Variants in RB1CC1 observed in about 807,000 individuals in gnomAD.
The protein encoded by RB1CC1 is RB1-inducible coiled-coil protein 1.
A neutral mutation model predicts 177.5 loss-of-function variants in RB1CC1; 46 were observed. That is an observed-to-expected ratio of 0.26 (90% CI 0.20 to 0.33). The LOEUF is 0.33. Ranked by LOEUF, RB1CC1 falls within the 10% of genes least tolerant of loss-of-function variation. RB1CC1 has a pLI of 1.00. For missense variants in RB1CC1, 1,703 were observed against 1,816.3 expected, an observed-to-expected ratio of 0.94 and a Z score of 1.13; for synonymous variants, 666 against 613.6, an observed-to-expected ratio of 1.09 and a Z score of -1.26.
intron 15 of RB1CC1, among the ~76,000 whole-genome samples, chr8:52,651,394 G>A (rs944440347): frequency 6.6e-6 from 1 of 152,236 alleles, no homozygotes; most frequent in Non-Finnish European, 1.5e-5. Flanking sequence ...AAATGGTACA[G>A]TTGGGTAGTT....
intron 8 of RB1CC1, among the ~76,000 whole-genome samples, chr8:52,666,867 T>C (rs1056614300): frequency 6.6e-6 from 1 of 152,132 alleles, no homozygotes; most frequent in Non-Finnish European, 1.5e-5. Context: ...GAAACAAGTG[T>C]AAATGAAACG....
At chr8:52,659,125 T>C (rs1205618364) in intron 12 of RB1CC1, 149 bp from the exon 13 acceptor site, 9 of 471,552 alleles carry the variant, frequency 1.9e-5, no homozygotes, top group Non-Finnish European at 3.4e-5. Context: ...GACCATTCAA[T>C]AAAGATATGG....
rs201694446 is a variant in RB1CC1 at position 52,656,568 on chromosome 8, C to T, written c.3261G>A (p.Glu1087=). ...CTTGTTCAAGAAGAGATTTCAAGGTCTCCTTCTGCTGGGCTCTGCTTTCTT... is the reference window on the plus strand; with the variant it reads ...CTTGTTCAAGAAGAGATTTCAAGGTTTCCTTCTGCTGGGCTCTGCTTTCTT... ...LLEESRAQQK[E]TLKSLLEQET... Residue 1087 remains glutamate, a synonymous_variant, in exon 15 of 24, where the codon GAG becomes GAA. Transcript: ENST00000025008. 6.2e-7 allele frequency: 1 copy of T among 1,611,144 alleles called. No individual in the cohort carries two copies. The highest frequency in any genetic ancestry group is 8.5e-7 in the Non-Finnish European group (1 of 1,179,038).
At chr8:52,712,310 TCTG>T (rs1352186314) in intron 1 of RB1CC1, among the ~76,000 whole-genome samples, 20 of 152,122 alleles carry the variant, frequency 1.3e-4, no homozygotes, top group Admixed American at 1.2e-3. Flanking sequence ...TGCTCAAATA[TCTG>T]CTGAATGTAT....
chr8:52,694,999 A>G (rs1855256424), intron 1 of RB1CC1, among the ~76,000 whole-genome samples: 1 of 152,246 alleles, frequency 6.6e-6, no homozygotes, highest in Admixed American at 6.5e-5. Context: ...ATTAATAAGA[A>G]AATCACAAAG....
chr8:52,676,534 C>T lies in RB1CC1; in HGVS notation c.407G>A (p.Cys136Tyr). Reference protein sequence around the residue: ...YEVAKKLCSFCEGLVHDEHLQ... With the variant: ...YEVAKKLCSFYEGLVHDEHLQ... The stretch of plus-strand genomic sequence containing the variant: ...ATGTTCATCATGTACAAGACCTTCA[C>T]AAAAAGAACAAAGTTTCTTGGCAAC... The change falls in exon 6 of 24, where the codon TGT (cysteine) becomes TAT (tyrosine). Residue 136 changes from cysteine (C) to tyrosine (Y), a missense_variant. Physicochemically the swap from Cys to Tyr is radical, Grantham distance 194. This residue lies in a region of RB1CC1 where 315 missense variants were observed against 304.9 expected (regional missense o/e 1.03). Transcript: ENST00000025008. 1 of 1,607,638 alleles carries T rather than the reference C, an allele frequency of 6.2e-7. No homozygotes were observed. The highest frequency in any genetic ancestry group is 8.5e-7 in the Non-Finnish European group (1 of 1,178,588).
chr8:52,635,992 C>T (rs753677680), intron 19 of RB1CC1, 23 bp downstream of exon 19: 14 of 1,604,346 alleles, frequency 8.7e-6, no homozygotes, highest in Admixed American at 3.4e-5. Flanking sequence ...AAACATGGTA[C>T]TTCAAGAAGA....
Position 52,661,704 on chromosome 8 carries a change from G to T in RB1CC1, c.1189C>A (p.Gln397Lys). The change falls in exon 9 of 24, where the codon CAG (glutamine) becomes AAG (lysine). Residue 397 changes from glutamine (Q) to lysine (K), a missense_variant. Physicochemically the swap from Gln to Lys is moderately conservative, Grantham distance 53. Coordinates refer to ENST00000025008, the MANE Select transcript of RB1CC1 (RefSeq NM_014781.5). Reference protein sequence around the residue: ...KELAQGFLANQKRAENLKDAS... With the variant: ...KELAQGFLANKKRAENLKDAS... The stretch of plus-strand genomic sequence containing the variant: ...TCCTTTAAGTTTTCAGCTCTCTTCT[G>T]ATTAGCTAAAAATCCCTTTGAGAAA... The T allele has an allele frequency of 6.4e-7, 1 of 1,564,670 alleles. No individual in the cohort carries two copies. The highest frequency in any genetic ancestry group is 8.6e-7 in the Non-Finnish European group (1 of 1,158,832).
chr8:52,661,046 C>A, intron 10 of RB1CC1, 39 bp from the exon 11 acceptor site: 1 of 1,610,876 alleles, frequency 6.2e-7, no homozygotes, highest in South Asian at 1.1e-5. Context: ...AAACATACAC[C>A]AATTCGTTAA....
At chr8:52,664,175 G>A (rs1851862981) in intron 8 of RB1CC1, among the ~76,000 whole-genome samples, 1 of 152,042 alleles carries the variant, frequency 6.6e-6, no homozygotes, top group Admixed American at 6.6e-5. Flanking sequence ...GCTTCAACTG[G>A]GTATCCCTTT....
At chr8:52,685,651 T>C in intron 2 of RB1CC1, 131 bp from the exon 3 acceptor site, 1 of 416,980 alleles carries the variant, frequency 2.4e-6, no homozygotes, top group Non-Finnish European at 4.2e-6. Context: ...ATGTCTAGGA[T>C]GGCTAACTGG....
rs564963839 is a variant in RB1CC1 at position 52,687,573 on chromosome 8, G to GCTGC, written c.-166-610_-166-607dup. On this transcript the variant is annotated intron_variant, in intron 1 of 23. Transcript: ENST00000025008. ...TCTCTTGCCAGCTTTGATGAAGCAA[G>GCTGC]CTGCCATATAGAGAGGCCCACCTGA... Among the ~76,000 whole-genome samples the GCTGC allele has an allele frequency of 2.6e-4, 39 of 152,288 alleles. 2 individuals are homozygous for GCTGC. The East Asian group carries it at 5.8e-3, about 23-fold the overall frequency.
rs1851126015 is a variant in RB1CC1, at chr8:52,656,879, C to G, written c.2950G>C (p.Glu984Gln). 2.5e-6 allele frequency: 4 copies of G among 1,613,342 alleles called. No homozygotes were observed. Among genetic ancestry groups the G allele is most frequent in the Non-Finnish European group, 3.4e-6 (4 of 1,179,948 alleles). Reference protein sequence around the residue: ...QLLRAELQSLEQSHLKELEDT... With the variant: ...QLLRAELQSLQQSHLKELEDT... Reference sequence around the variant, plus strand: ...TCTAATTCCTTTAGATGACTTTGCTCCAAGGACTGAAGTTCTGCCCTCAAT... The same window carrying G: ...TCTAATTCCTTTAGATGACTTTGCTGCAAGGACTGAAGTTCTGCCCTCAAT... Residue 984 changes from glutamate (E) to glutamine (Q), a missense_variant, in exon 15 of 24, where the codon GAG becomes CAG. Glu to Gln is a conservative substitution (Grantham distance 29). This residue lies in a region of RB1CC1 where 1,169 missense variants were observed against 1,184.7 expected (regional missense o/e 0.99). Transcript: ENST00000025008.
At chr8:52,686,313 G>A (rs549954703) in intron 2 of RB1CC1, among the ~76,000 whole-genome samples, 7 of 152,244 alleles carry the variant, frequency 4.6e-5, no homozygotes, top group Admixed American at 1.3e-4. Flanking sequence ...GGAGGCCAAG[G>A]CAGGAGGATC....
At chr8:52,697,060 C>T (rs887338008) in intron 1 of RB1CC1, among the ~76,000 whole-genome samples, 1 of 151,988 alleles carries the variant, frequency 6.6e-6, no homozygotes, top group Non-Finnish European at 1.5e-5. Flanking sequence ...ATATGGAAAA[C>T]CTCCAGCTAA....
chr8:52,676,846 T>C (rs937056580), intron 5 of RB1CC1, among the ~76,000 whole-genome samples: 2 of 152,190 alleles, frequency 1.3e-5, no homozygotes, highest in Admixed American at 6.5e-5. Context: ...TTTCAATTAT[T>C]TGACTAATGA....
At chr8:52,680,982 G>GTA (rs1853647795) in intron 5 of RB1CC1, among the ~76,000 whole-genome samples, 1 of 126,254 alleles carries the variant, frequency 7.9e-6, no homozygotes, top group African/African-American at 3.3e-5. Context: ...GTGTGTGTGT[G>GTA]TGTGTGTGTG....
intron 5 of RB1CC1, among the ~76,000 whole-genome samples, chr8:52,679,010 C>A (rs1402241488): frequency 6.6e-6 from 1 of 152,152 alleles, no homozygotes; most frequent in Non-Finnish European, 1.5e-5. Flanking sequence ...AACCAGGAAA[C>A]AACTACCACC....
intron 6 of RB1CC1, among the ~76,000 whole-genome samples, chr8:52,675,040 T>C (rs1313841187): frequency 6.6e-6 from 1 of 152,090 alleles, no homozygotes; most frequent in Non-Finnish European, 1.5e-5. Context: ...ATAGGGAAAA[T>C]ATGAAATCCT....
Sources: gnomAD v4.1 joint callset for allele counts (sites outside exome capture counted in the v4.1 genomes callset) on GRCh38, gnomAD v4.1.1 for gene constraint, gnomAD v4.1.1 regional missense constraint, MANE v1.5 for transcripts, NCBI Gene and HGNC (gene_info 2026-07-23, HGNC 2026-07-21) for gene names.